Variants in KCNH1 observed in about 807,000 individuals in gnomAD.
The protein encoded by KCNH1 is potassium voltage-gated channel subfamily H member 1, also known as voltage-gated delayed rectifier potassium channel KCNH1.
A neutral mutation model predicts 69.2 loss-of-function variants in KCNH1; 27 were observed. The ratio of observed to expected loss-of-function variants is 0.39; its 90% CI spans 0.29 to 0.54. The LOEUF (loss-of-function observed/expected upper bound fraction) is 0.54, where lower values mean the gene tolerates loss of function less well. Ranked by LOEUF, KCNH1 falls within the 20% of genes least tolerant of loss-of-function variation. The pLI is 0.68. For synonymous variants in KCNH1, 456 were observed against 487.7 expected (o/e 0.93, Z 0.86); for missense variants, 798 against 1,261.6 (o/e 0.63, Z 5.57).
intron 10 of KCNH1, among the ~76,000 whole-genome samples, chr1:210,775,121 T>C (rs1683835550): frequency 6.6e-6 from 1 of 152,112 alleles, no homozygotes; most frequent in African/African-American, 2.4e-5. Flanking sequence ...TCCAAGCACA[T>C]AAATAAATCC....
intron 5 of KCNH1, among the ~76,000 whole-genome samples, chr1:211,020,957 A>T (rs1231783731): frequency 6.6e-6 from 1 of 151,714 alleles, no homozygotes; most frequent in Non-Finnish European, 1.5e-5. Context: ...AAAAAAACTC[A>T]ACAAATGAGG....
chr1:210,955,108 C>T (rs1317266346), intron 6 of KCNH1, among the ~76,000 whole-genome samples: 1 of 152,158 alleles, frequency 6.6e-6, no homozygotes, highest in East Asian at 1.9e-4. Context: ...CCAGTTTCAG[C>T]TTTCTACATA....
chr1:210,868,661 C>T (rs1330948911), intron 7 of KCNH1, among the ~76,000 whole-genome samples: 3 of 151,950 alleles, frequency 2.0e-5, no homozygotes, highest in Non-Finnish European at 2.9e-5. Flanking sequence ...TTCTTAACAA[C>T]ATTTAATCAC....
intron 1 of KCNH1, among the ~76,000 whole-genome samples, chr1:211,117,059 C>T (rs1691595422): frequency 6.6e-6 from 1 of 152,160 alleles, no homozygotes; most frequent in African/African-American, 2.4e-5. Flanking sequence ...TTTCTTGATT[C>T]CTAGCACTGC....
intron 6 of KCNH1, among the ~76,000 whole-genome samples, chr1:211,014,204 G>C (rs985679673): frequency 6.6e-6 from 1 of 152,072 alleles, no homozygotes. Context: ...AAGTTTCCTC[G>C]GGAGAGTGAA....
chr1:210,843,812 C>T (rs1468641490), intron 7 of KCNH1, among the ~76,000 whole-genome samples: 1 of 152,138 alleles, frequency 6.6e-6, no homozygotes, highest in African/African-American at 2.4e-5. Context: ...ACTCTTAGAG[C>T]ACAGATAGAC....
intron 3 of KCNH1, among the ~76,000 whole-genome samples, chr1:211,092,806 AAC>A (rs1365569822): frequency 2.0e-5 from 3 of 151,508 alleles, no homozygotes; most frequent in African/African-American, 7.2e-5. Context: ...TTAAGGCAAA[AAC>A]ACACAAATCA....
chr1:210,866,025 CT>C (rs1488798293), intron 7 of KCNH1, among the ~76,000 whole-genome samples: 1 of 152,044 alleles, frequency 6.6e-6, no homozygotes, highest in African/African-American at 2.4e-5. Flanking sequence ...GGAATAAAAA[CT>C]TTTTCAACAA....
chr1:210,781,959 G>A (rs534639843), intron 9 of KCNH1, among the ~76,000 whole-genome samples: 4 of 152,172 alleles, frequency 2.6e-5, no homozygotes, highest in Admixed American at 1.3e-4. Context: ...CTTTAAATTC[G>A]GCTCCTGTCT....
Position 210,744,035 on chromosome 1 carries a change from A to C in KCNH1, c.2112+31313T>G, listed in dbSNP as rs144080481. ...GAAGGCTTTCCTAGACCACTCCTGT[A>C]AGCAGCTGGCATCCCAGATCCAGCC... is the stretch of plus-strand genomic sequence containing the variant. On this transcript the variant is annotated intron_variant, in intron 10 of 10. Transcript: ENST00000271751. Among the ~76,000 whole-genome samples, 1,007 of 152,220 alleles carry C rather than the reference A, an allele frequency of 6.6e-3. 6 individuals are homozygous for C. The highest frequency in any genetic ancestry group is 0.011 in the Admixed American group (162 of 15,300).
chr1:210,783,434 A>G (rs537893945), intron 9 of KCNH1, among the ~76,000 whole-genome samples: 1 of 152,314 alleles, frequency 6.6e-6, no homozygotes, highest in African/African-American at 2.4e-5. Flanking sequence ...TCTTATGGTA[A>G]TGAACCCATG....
intron 5 of KCNH1, among the ~76,000 whole-genome samples, chr1:211,034,836 A>T (rs1482640954): frequency 6.6e-6 from 1 of 152,210 alleles, no homozygotes; most frequent in Non-Finnish European, 1.5e-5. Flanking sequence ...ATCCACAGTA[A>T]ACAGACACCT....
intron 8 of KCNH1, among the ~76,000 whole-genome samples, chr1:210,799,344 G>A (rs1684385205): frequency 6.6e-6 from 1 of 152,130 alleles, no homozygotes; most frequent in Admixed American, 6.5e-5. Flanking sequence ...ATTAGAGCCT[G>A]GTTTAGATCC....
intron 7 of KCNH1, among the ~76,000 whole-genome samples, chr1:210,906,484 G>A (rs910383205): frequency 6.6e-5 from 10 of 152,174 alleles, no homozygotes; most frequent in African/African-American, 2.4e-4. Context: ...CTGGAGAGAA[G>A]TGCTTATTGT....
At chr1:210,915,739 C>A (rs1409099731) in intron 7 of KCNH1, among the ~76,000 whole-genome samples, 1 of 152,184 alleles carries the variant, frequency 6.6e-6, no homozygotes, top group East Asian at 1.9e-4. Flanking sequence ...AACAGGTATG[C>A]TAGCTTGAAA....
chr1:210,845,731 C>T (rs796102320), intron 7 of KCNH1, among the ~76,000 whole-genome samples: 1 of 148,528 alleles, frequency 6.7e-6, no homozygotes, highest in Non-Finnish European at 1.5e-5. Flanking sequence ...CTGGCCAGGG[C>T]AATCAGGCAG....
chr1:210,900,290 A>T (rs1686967412), intron 7 of KCNH1, among the ~76,000 whole-genome samples: 1 of 152,230 alleles, frequency 6.6e-6, no homozygotes, highest in African/African-American at 2.4e-5. Context: ...TATCTGGCAC[A>T]AATCATCCCC....
intron 6 of KCNH1, among the ~76,000 whole-genome samples, chr1:210,997,741 A>G (rs573004048): frequency 1.4e-4 from 21 of 152,214 alleles, no homozygotes; most frequent in African/African-American, 3.4e-4. Context: ...TGAAGGAAAA[A>G]ATGTTAAGGG....
chr1:210,699,081 C>T (rs1574190061), intron 10 of KCNH1, among the ~76,000 whole-genome samples: 1 of 152,366 alleles, frequency 6.6e-6, no homozygotes, highest in Non-Finnish European at 1.5e-5. Context: ...TTTGGACCTT[C>T]TGCTCCCCAA....
Sources: gnomAD v4.1 joint callset for allele counts (sites outside exome capture counted in the v4.1 genomes callset) on GRCh38, gnomAD v4.1.1 for gene constraint, MANE v1.5 for transcripts, NCBI Gene and HGNC (gene_info 2026-07-23, HGNC 2026-07-21) for gene names.